Variants in CAB39L observed in about 807,000 individuals in gnomAD.
CAB39L encodes the protein calcium binding protein 39 like, also known as calcium-binding protein 39-like.
Under a neutral mutation model 39.1 loss-of-function variants are expected in CAB39L, and 23 were observed. The observed-to-expected ratio is 0.59, with a 90% CI of 0.42 to 0.83. The LOEUF is 0.83. CAB39L is among the 40% of genes least tolerant of loss of function. The probability of loss-of-function intolerance (pLI) is 0.00; values close to 1 mark genes in which losing one functional copy is unlikely to be tolerated. For synonymous variants in CAB39L, 126 were observed against 137.2 expected, an observed-to-expected ratio of 0.92 and a Z score of 0.57; for missense variants, 366 against 391.9, an observed-to-expected ratio of 0.93 and a Z score of 0.56.
At chr13:49,372,155 C>T (rs540238408) in intron 5 of CAB39L, among the ~76,000 whole-genome samples, 1 of 152,240 alleles carries the variant, frequency 6.6e-6, no homozygotes, top group South Asian at 2.1e-4. Flanking sequence ...GTAGCCAAAC[C>T]TCAAAAAACA....
chr13:49,421,646 G>A (rs1026934723), intron 3 of CAB39L, among the ~76,000 whole-genome samples: 3 of 152,080 alleles, frequency 2.0e-5, no homozygotes, highest in African/African-American at 7.2e-5. Context: ...TGTCAGTGGA[G>A]GTCCATCAGA....
intron 5 of CAB39L, among the ~76,000 whole-genome samples, chr13:49,364,556 A>G (rs1593992829): frequency 6.6e-6 from 1 of 152,204 alleles, no homozygotes; most frequent in African/African-American, 2.4e-5. Context: ...AAGACTCCAC[A>G]AAAAAACTAT....
At chr13:49,433,747 G>A (rs2138738435) in intron 2 of CAB39L, among the ~76,000 whole-genome samples, 1 of 152,278 alleles carries the variant, frequency 6.6e-6, no homozygotes, top group South Asian at 2.1e-4. Flanking sequence ...AAAGGTCAGT[G>A]TTTACAAAAA....
At chr13:49,398,169 T>C (rs1956681487) in intron 3 of CAB39L, among the ~76,000 whole-genome samples, 2 of 152,078 alleles carry the variant, frequency 1.3e-5, no homozygotes, top group African/African-American at 4.8e-5. Context: ...GATATAATCT[T>C]TCATCCTTCC....
At chr13:49,398,195 T>C (rs1956682302) in intron 3 of CAB39L, among the ~76,000 whole-genome samples, 1 of 152,106 alleles carries the variant, frequency 6.6e-6, no homozygotes, top group Non-Finnish European at 1.5e-5. Flanking sequence ...TGGAAGGGAC[T>C]ATATGAGTTT....
chr13:49,421,342 C>G (rs1566132744), intron 3 of CAB39L, among the ~76,000 whole-genome samples: 2 of 152,166 alleles, frequency 1.3e-5, no homozygotes, highest in Admixed American at 1.3e-4. Flanking sequence ...CCAGCAAAAA[C>G]CAAGTGGAAA....
At chr13:49,415,388 G>A (rs944729129) in intron 3 of CAB39L, among the ~76,000 whole-genome samples, 5 of 151,274 alleles carry the variant, frequency 3.3e-5, no homozygotes, top group African/African-American at 1.2e-4. Flanking sequence ...GGGTGTGGTG[G>A]TACACACCTG....
At chr13:49,327,311 T>C (rs1403489986) in intron 10 of CAB39L, among the ~76,000 whole-genome samples, 1 of 152,154 alleles carries the variant, frequency 6.6e-6, no homozygotes, top group Non-Finnish European at 1.5e-5. Flanking sequence ...TGCAATTTTG[T>C]TTGTTTTTTT....
chr13:49,335,304 G>A (rs1954818576), intron 9 of CAB39L, among the ~76,000 whole-genome samples: 1 of 152,098 alleles, frequency 6.6e-6, no homozygotes, highest in Non-Finnish European at 1.5e-5. Flanking sequence ...ATATTTATGA[G>A]TTAAGTTCAG....
chr13:49,321,906 T>TA (rs1276069247), intron 10 of CAB39L, among the ~76,000 whole-genome samples: 11 of 152,218 alleles, frequency 7.2e-5, no homozygotes, highest in Non-Finnish European at 1.2e-4. Flanking sequence ...TTCAAGCCTG[T>TA]AGGCAGTTTT....
At chr13:49,344,033 T>A in intron 8 of CAB39L, 146 bp downstream of exon 8, 1 of 643,484 alleles carries the variant, frequency 1.6e-6, no homozygotes, top group Non-Finnish European at 2.8e-6. Context: ...AGTTTCCTGA[T>A]GACCTGGTTT....
intron 10 of CAB39L, among the ~76,000 whole-genome samples, chr13:49,331,507 G>A (rs1954698012): frequency 6.6e-6 from 1 of 151,976 alleles, no homozygotes; most frequent in East Asian, 1.9e-4. Flanking sequence ...ATTGTCTAAA[G>A]GGGTTACTTT....
intron 5 of CAB39L, among the ~76,000 whole-genome samples, chr13:49,368,023 A>C (rs1955816170): frequency 6.6e-6 from 1 of 152,246 alleles, no homozygotes; most frequent in South Asian, 2.1e-4. Flanking sequence ...CTGTAAGCAT[A>C]AATTGATTTT....
intron 3 of CAB39L, 75 bp from the exon 4 acceptor site, chr13:49,383,016 A>G (rs1322805811): frequency 1.7e-6 from 1 of 594,118 alleles, no homozygotes; most frequent in African/African-American, 1.9e-5. Context: ...AATGTCTTAT[A>G]AGTTTTCAAT....
chr13:49,432,703 G>C (rs554463818), intron 3 of CAB39L, among the ~76,000 whole-genome samples: 2 of 151,996 alleles, frequency 1.3e-5, no homozygotes, highest in Non-Finnish European at 2.9e-5. Context: ...ACAGACTGAG[G>C]TCCAATTTAA....
At chr13:49,380,855 G>C (rs1956239544) in intron 4 of CAB39L, among the ~76,000 whole-genome samples, 1 of 152,116 alleles carries the variant, frequency 6.6e-6, no homozygotes. Flanking sequence ...ACTCATGGTA[G>C]CATGATGCAA....
At chr13:49,334,737 T>C (rs11619585) in intron 9 of CAB39L, among the ~76,000 whole-genome samples, 27,773 of 152,158 alleles carry the variant, frequency 0.18, 3,081 homozygotes, top group Middle Eastern at 0.27. Flanking sequence ...CAGAGCACAA[T>C]ACAGTAACTC....
intron 5 of CAB39L, 81 bp downstream of exon 5, chr13:49,376,886 G>GAAT (rs1956075107): frequency 1.1e-5 from 12 of 1,141,050 alleles, no homozygotes; most frequent in Non-Finnish European, 1.4e-5. Context: ...AGCAAAAGTT[G>GAAT]AATAGTAGAT....
chr13:49,319,456 A>T (rs1046191777), intron 10 of CAB39L, among the ~76,000 whole-genome samples: 12 of 152,156 alleles, frequency 7.9e-5, no homozygotes, highest in Non-Finnish European at 1.8e-4. Context: ...GCAATGGGGA[A>T]TGACTGCTTA....
Sources: gnomAD v4.1 joint callset for allele counts (sites outside exome capture counted in the v4.1 genomes callset) on GRCh38, gnomAD v4.1.1 for gene constraint, MANE v1.5 for transcripts, NCBI Gene and HGNC (gene_info 2026-07-23, HGNC 2026-07-21) for gene names.